BCAS3: variants seen among roughly 807,000 people sequenced by gnomAD.
BCAS3 encodes the protein BCAS3 microtubule associated cell migration factor, also known as BCAS4/BCAS3 fusion.
A neutral mutation model predicts 116.1 loss-of-function variants in BCAS3; 53 were observed. The observed-to-expected ratio is 0.46, with a 90% CI of 0.37 to 0.57. BCAS3 has a LOEUF of 0.57. BCAS3 is among the 20% of genes least tolerant of loss of function. The pLI is 0.00. For synonymous variants in BCAS3, 391 were observed against 408.2 expected (o/e 0.96, Z 0.51); for missense variants, 917 against 1,165.4 (o/e 0.79, Z 3.10).
chr17:60,739,378 G>A (rs888621696), intron 5 of BCAS3, among the ~76,000 whole-genome samples: 4 of 152,110 alleles, frequency 2.6e-5, no homozygotes, highest in African/African-American at 9.7e-5. Context: ...CCAGCACTTT[G>A]GGAGGCTGAG....
In BCAS3 at chr17:61,344,363, T is replaced by G. The variant is rs1367764370; in HGVS notation, c.2426-23964T>G. Among the ~76,000 whole-genome samples, 1 of 152,192 alleles carries G rather than the reference T, an allele frequency of 6.6e-6. No homozygotes were observed. Among genetic ancestry groups the G allele is most frequent in the Non-Finnish European group, 1.5e-5 (1 of 68,032 alleles). On this transcript the variant is annotated intron_variant, in intron 22 of 23. Coordinates refer to ENST00000407086, the MANE Select transcript of BCAS3 (RefSeq NM_017679.5). The surrounding 1 kb of genome is among the most constrained non-coding windows in gnomAD (Gnocchi z 4.1). ...GGTCTTCTTGTCAAGACTAATTTCC[T>G]TTTAGGCCCAGCTTCATCTTCACGG...
intron 23 of BCAS3, among the ~76,000 whole-genome samples, chr17:61,373,043 CA>C (rs1401903163): frequency 4.0e-5 from 6 of 151,732 alleles, no homozygotes; most frequent in Admixed American, 3.9e-4. Context: ...CATCTGATAT[CA>C]AAAGCCCAGG....
At chr17:60,694,325 A>T (rs538774279) in intron 4 of BCAS3, among the ~76,000 whole-genome samples, 24 of 150,834 alleles carry the variant, frequency 1.6e-4, no homozygotes, top group Non-Finnish European at 3.3e-4. Flanking sequence ...ACATGGTGAA[A>T]CCCCATCTTT....
intron 22 of BCAS3, among the ~76,000 whole-genome samples, chr17:61,340,820 C>T (rs373530493): frequency 6.6e-6 from 1 of 152,120 alleles, no homozygotes; most frequent in African/African-American, 2.4e-5. Context: ...ATTATACACC[C>T]TGGTGAGGCT....
Position 61,088,384 on chromosome 17 carries a change from G to A in BCAS3, c.2425+3820G>A, listed in dbSNP as rs1174157959. 6.6e-6 allele frequency among the ~76,000 whole-genome samples: 1 copy of A among 152,192 alleles called. No homozygotes were observed. The highest frequency in any genetic ancestry group is 2.4e-5 in the African/African-American group (1 of 41,442). ...TCACTTTTTCCCATATCCAGCTGAT[G>A]AACAACAATGTCGATGAATCATTGA... On this transcript the variant is annotated intron_variant, in intron 22 of 23. Transcript: ENST00000407086. This position sits in a 1 kb window ranked among gnomAD's most constrained non-coding sequence, Gnocchi z 4.2.
At chr17:61,225,019 A>G (rs1209274830) in intron 22 of BCAS3, among the ~76,000 whole-genome samples, 1 of 152,204 alleles carries the variant, frequency 6.6e-6, no homozygotes, top group Non-Finnish European at 1.5e-5. Context: ...TACCACTTAC[A>G]GATGTTGCTG....
chr17:60,679,842 A>C (rs1218115391), intron 2 of BCAS3, among the ~76,000 whole-genome samples: 1 of 152,204 alleles, frequency 6.6e-6, no homozygotes, highest in African/African-American at 2.4e-5. Context: ...GAGTTGTAGT[A>C]GAAAATGAAA....
Position 61,075,337 on chromosome 17 carries a change from C to T in BCAS3, c.2130+317C>T, listed in dbSNP as rs2071868792. The stretch of plus-strand genomic sequence containing the variant: ...TCAATTAATTTATTAATTTTTGAGA[C>T]AGAGTCTTGCTCTGTCACCCAAGCT... On this transcript the variant is annotated intron_variant, in intron 20 of 23. Transcript: ENST00000407086. Among the ~76,000 whole-genome samples, 2 of 152,242 alleles carry T rather than the reference C, an allele frequency of 1.3e-5. 1 individual carries two copies. The highest frequency in any genetic ancestry group is 3.9e-4 in the East Asian group (2 of 5,188).
rs968777822 is a variant in BCAS3, at chr17:61,372,685, C to T, written c.2593+4191C>T. Among the ~76,000 whole-genome samples the T allele has an allele frequency of 5.3e-5, 8 of 152,310 alleles. No individual in the cohort carries two copies. In the South Asian group the frequency reaches 8.3e-4, roughly 16 times the overall value. The stretch of plus-strand genomic sequence containing the variant: ...AACTCCCAGAGGGTCCCCGAGCATA[C>T]GCAGTCTCTTGCCCGCGAGGCTTCT... On this transcript the variant is annotated intron_variant, in intron 23 of 23. Transcript: ENST00000407086.
chr17:61,373,801 CTTCT>C (rs2059179834), intron 23 of BCAS3, among the ~76,000 whole-genome samples: 1 of 112,600 alleles, frequency 8.9e-6, no homozygotes, highest in African/African-American at 3.1e-5. Context: ...ACTTCTTCTT[CTTCT>C]TTGTTTTTTT....
intron 5 of BCAS3, among the ~76,000 whole-genome samples, chr17:60,717,651 A>G (rs1466746463): frequency 6.6e-6 from 1 of 152,188 alleles, no homozygotes; most frequent in Non-Finnish European, 1.5e-5. Flanking sequence ...AAGGACATCT[A>G]AAATTTCAAA....
chr17:60,871,330 A>AT (rs751645835), intron 8 of BCAS3, among the ~76,000 whole-genome samples: 5 of 151,796 alleles, frequency 3.3e-5, no homozygotes, highest in Admixed American at 2.0e-4. Flanking sequence ...CGCCTGGCTA[A>AT]TTTTTTTTAA....
Position 60,836,670 on chromosome 17 carries a change from A to G in BCAS3, c.476+28594A>G, listed in dbSNP as rs184228205. 2.6e-3 allele frequency among the ~76,000 whole-genome samples: 392 copies of G among 152,306 alleles called. 3 individuals are homozygous for G. The highest frequency in any genetic ancestry group is 8.9e-3 in the African/African-American group (371 of 41,590). On this transcript the variant is annotated intron_variant, in intron 7 of 23. Coordinates refer to ENST00000407086, the MANE Select transcript of BCAS3 (RefSeq NM_017679.5). ...TTGGAAATGTTGGAATTTTTCATTA[A>G]TATGGATTATTAATATTATTTACAG...
At position 61,139,660 on chromosome 17, in the gene BCAS3, C is replaced by A. The variant is rs573652027; in HGVS notation, c.2425+55096C>A. 2.0e-5 allele frequency among the ~76,000 whole-genome samples: 3 copies of A among 152,022 alleles called. No homozygotes were observed. The highest frequency in any genetic ancestry group is 4.4e-5 in the Non-Finnish European group (3 of 68,014). On this transcript the variant is annotated intron_variant, in intron 22 of 23. Transcript: ENST00000407086. The surrounding 1 kb of genome is among the most constrained non-coding windows in gnomAD (Gnocchi z 4.7). ...CTCATACATGCAGTATAGTTCAGTG[C>A]GATTAAAAGTCATCATGCTACATGA...
At chr17:60,909,280 A>G (rs2058359445) in intron 11 of BCAS3, among the ~76,000 whole-genome samples, 1 of 152,228 alleles carries the variant, frequency 6.6e-6, no homozygotes, top group Non-Finnish European at 1.5e-5. Context: ...ATTATTGCTT[A>G]CATCACATTT....
intron 20 of BCAS3, among the ~76,000 whole-genome samples, chr17:61,076,637 A>G (rs16944795): frequency 0.041 from 6,278 of 152,244 alleles, 461 homozygotes; most frequent in African/African-American, 0.14. Flanking sequence ...GTGTGAAAGT[A>G]TATACAATGT....
intron 22 of BCAS3, among the ~76,000 whole-genome samples, chr17:61,117,849 A>G (rs915076943): frequency 3.3e-5 from 5 of 152,162 alleles, no homozygotes; most frequent in Admixed American, 3.3e-4. Flanking sequence ...TGATGAACCT[A>G]CATTGACAAG....
chr17:61,273,215 C>A (rs780088087), intron 22 of BCAS3, among the ~76,000 whole-genome samples: 2 of 151,554 alleles, frequency 1.3e-5, no homozygotes, highest in Non-Finnish European at 2.9e-5. Flanking sequence ...CTCAAGCGAT[C>A]CTCCCACCTC....
intron 13 of BCAS3, among the ~76,000 whole-genome samples, chr17:60,941,591 A>T (rs2060227724): frequency 6.6e-6 from 1 of 152,156 alleles, no homozygotes; most frequent in Non-Finnish European, 1.5e-5. Flanking sequence ...AAGTAAACTT[A>T]CTGGTGGATT....
Sources: allele counts gnomAD v4.1 joint callset (sites outside exome capture counted in the v4.1 genomes callset), GRCh38; gene constraint gnomAD v4.1.1; non-coding constraint Gnocchi (gnomAD v3.1); transcripts MANE v1.5; gene names NCBI Gene and HGNC (gene_info 2026-07-23, HGNC 2026-07-21).